WIF1: variants seen among roughly 807,000 people sequenced by gnomAD.
WIF1 encodes Wnt inhibitory factor 1.
In WIF1, 35 loss-of-function variants were observed where a neutral mutation model predicts 53.5. That is an observed-to-expected ratio of 0.65 (90% confidence interval 0.50 to 0.87). The LOEUF (loss-of-function observed/expected upper bound fraction) is 0.87. Ranked by LOEUF, WIF1 falls within the 40% of genes least tolerant of loss-of-function variation. WIF1 has a pLI of 0.00. For missense variants in WIF1, 467 were observed against 476.8 expected, an observed-to-expected ratio of 0.98 and a Z score of 0.19; for synonymous variants, 171 against 170.4, an observed-to-expected ratio of 1.00 and a Z score of -0.03.
Position 65,120,419 on chromosome 12 carries a change from G to C in WIF1, c.286C>G (p.Gln96Glu), listed in dbSNP as rs746412895. ...SMNFTWQAAG[Q>E]AEYFYEFLSL... ...AGGGTAATTTTCTCAGAACTTACCT[G>C]CCCTGCAGCTTGCCAGGTAAAATTC... Residue 96 changes from glutamine (Q) to glutamate (E), a missense_variant and splice_region_variant, in exon 2 of 10, where the codon CAG becomes GAG. Transcript: ENST00000286574. The C allele has an allele frequency of 6.2e-7, 1 of 1,613,368 alleles. No homozygotes were observed. Among genetic ancestry groups the C allele is most frequent in the South Asian group, 1.1e-5 (1 of 90,814 alleles).
chr12:65,107,059 T>A lies in WIF1; in HGVS notation c.288+13358A>T, dbSNP rs1184752884. ...TATAGTAATGAGCTATTGAAATGAG[T>A]GACATAAAGATCACAAATGGGCTTC... On this transcript the variant is annotated intron_variant, in intron 2 of 9. Coordinates refer to ENST00000286574, the MANE Select transcript of WIF1 (RefSeq NM_007191.5). 2.0e-5 allele frequency among the ~76,000 whole-genome samples: 3 copies of A among 152,118 alleles called. No homozygotes were observed. In the South Asian group the frequency reaches 6.2e-4, roughly 32 times the overall value.
chr12:65,066,628 A>G lies in WIF1; in HGVS notation c.730+13T>C. 6.3e-7 allele frequency: 1 copy of G among 1,586,068 alleles called. No homozygotes were observed. Among genetic ancestry groups the G allele is most frequent in the South Asian group, 1.2e-5 (1 of 85,906 alleles). ...AAGTAAAAATAACTTTCTTCTTAAA[A>G]AGAAACTGTTACCTTTGTCACAGTT... On this transcript the variant is annotated intron_variant, in intron 6 of 9. Transcript: ENST00000286574.
At chr12:65,072,384 A>G (rs1368088722) in intron 3 of WIF1, among the ~76,000 whole-genome samples, 2 of 152,192 alleles carry the variant, frequency 1.3e-5, no homozygotes, top group Non-Finnish European at 2.9e-5. Flanking sequence ...TATATATTTT[A>G]CAAACACCTA....
chr12:65,051,370 A>T lies in WIF1; in HGVS notation c.1119T>A (p.Pro373=). The T allele has an allele frequency of 6.2e-7, 1 of 1,613,698 alleles. No homozygotes were observed. Among genetic ancestry groups the T allele is most frequent in the Non-Finnish European group, 8.5e-7 (1 of 1,179,824 alleles). Residue 373 remains proline, a synonymous_variant, in exon 10 of 10, where the codon CCT becomes CCA. Transcript: ENST00000286574. The part of the protein sequence containing the change: ...LKKAEERRDP[P]ESNYIW ...GAGTTCACCAGATGTAATTGGATTC[A>T]GGTGGATCCCGCCGCTCCTCGGCCT...
chr12:65,108,617 G>C (rs142494879), intron 2 of WIF1, among the ~76,000 whole-genome samples: 1 of 151,978 alleles, frequency 6.6e-6, no homozygotes, highest in African/African-American at 2.4e-5. Flanking sequence ...AAGTCCTGTC[G>C]ATTACACCTC....
intron 2 of WIF1, among the ~76,000 whole-genome samples, chr12:65,096,302 A>T (rs1476385755): frequency 6.6e-6 from 1 of 152,230 alleles, no homozygotes; most frequent in Non-Finnish European, 1.5e-5. Flanking sequence ...ATGCAAACCA[A>T]AACCACAATG....
intron 3 of WIF1, among the ~76,000 whole-genome samples, chr12:65,074,836 A>AAG (rs146114453): frequency 2.9e-5 from 4 of 140,198 alleles, no homozygotes; most frequent in Non-Finnish European, 6.4e-5. Flanking sequence ...AAAAAAAAAA[A>AAG]AAGAAAAGAA....
At chr12:65,055,940 A>C (rs1437327224) in intron 8 of WIF1, 91 bp downstream of exon 8, 3 of 1,139,718 alleles carry the variant, frequency 2.6e-6, no homozygotes, top group Non-Finnish European at 3.8e-6. Flanking sequence ...TGCCCAGGCA[A>C]CATGCACTAA....
chr12:65,120,603 C>T (rs764031395), intron 1 of WIF1, 47 bp from the exon 2 acceptor site: 9 of 1,571,770 alleles, frequency 5.7e-6, no homozygotes, highest in Non-Finnish European at 7.7e-6. Context: ...GACTTGAAAT[C>T]ATCTAAATCA....
intron 2 of WIF1, among the ~76,000 whole-genome samples, chr12:65,084,651 C>T (rs1883008116): frequency 2.0e-5 from 3 of 152,310 alleles, no homozygotes; most frequent in Middle Eastern, 3.4e-3. Context: ...CTACTGGAGA[C>T]TCACTCAGCA....
chr12:65,064,995 GA>G (rs1400837659), intron 6 of WIF1, among the ~76,000 whole-genome samples: 18 of 152,232 alleles, frequency 1.2e-4, no homozygotes, highest in African/African-American at 4.1e-4. Context: ...TAAAATAGCA[GA>G]GACACTGAAT....
At chr12:65,085,277 A>C (rs1883019091) in intron 2 of WIF1, among the ~76,000 whole-genome samples, 1 of 152,178 alleles carries the variant, frequency 6.6e-6, no homozygotes, top group Non-Finnish European at 1.5e-5. Context: ...GAATATATAT[A>C]ATAAGATATC....
At chr12:65,120,999 G>C in intron 1 of WIF1, 45 bp downstream of exon 1, 1 of 1,410,192 alleles carries the variant, frequency 7.1e-7, no homozygotes, top group Non-Finnish European at 9.3e-7. Flanking sequence ...AGAGTGGAGA[G>C]AGGAGGACAT....
At chr12:65,079,156 CTCCA>C (rs1882909094) in intron 2 of WIF1, among the ~76,000 whole-genome samples, 1 of 100,566 alleles carries the variant, frequency 9.9e-6, no homozygotes, top group African/African-American at 4.2e-5. Flanking sequence ...CAGAGCAAGA[CTCCA>C]TCTCAAAAAA....
intron 2 of WIF1, among the ~76,000 whole-genome samples, chr12:65,082,567 C>T (rs1363723278): frequency 6.6e-6 from 1 of 151,974 alleles, no homozygotes; most frequent in African/African-American, 2.4e-5. Context: ...TAAAAGACAC[C>T]CAAATATTAT....
At chr12:65,102,466 A>G (rs1883296563) in intron 2 of WIF1, among the ~76,000 whole-genome samples, 2 of 152,284 alleles carry the variant, frequency 1.3e-5, no homozygotes, top group Non-Finnish European at 2.9e-5. Context: ...CAGGCCTTCA[A>G]CTGATTGTTG....
chr12:65,066,475 T>C (rs1592389552), intron 6 of WIF1, among the ~76,000 whole-genome samples, 166 bp downstream of exon 6: 1 of 152,122 alleles, frequency 6.6e-6, no homozygotes, highest in African/African-American at 2.4e-5. Context: ...AAACTTTTGC[T>C]ATTATGCTAC....
intron 2 of WIF1, among the ~76,000 whole-genome samples, chr12:65,119,074 C>T (rs1883556436): frequency 6.6e-6 from 1 of 152,194 alleles, no homozygotes; most frequent in South Asian, 2.1e-4. Flanking sequence ...TAATGACCAT[C>T]TGATGAGCGG....
chr12:65,088,586 A>G (rs1883077490), intron 2 of WIF1, among the ~76,000 whole-genome samples: 1 of 152,136 alleles, frequency 6.6e-6, no homozygotes, highest in African/African-American at 2.4e-5. Flanking sequence ...TTCTCATAAA[A>G]GGTTACTGAT....
Sources: allele counts gnomAD v4.1 joint callset (sites outside exome capture counted in the v4.1 genomes callset), GRCh38; gene constraint gnomAD v4.1.1; transcripts MANE v1.5; gene names NCBI Gene and HGNC (gene_info 2026-07-23, HGNC 2026-07-21).